ANGPTL6: variants seen among roughly 807,000 people sequenced by gnomAD.
ANGPTL6 encodes the protein angiopoietin-related protein 6.
Under a neutral mutation model 47.4 loss-of-function variants are expected in ANGPTL6, and 45 were observed. The ratio of observed to expected loss-of-function variants is 0.95; its 90% CI spans 0.75 to 1.22. The LOEUF (loss-of-function observed/expected upper bound fraction) is 1.22, where lower values mean the gene tolerates loss of function less well. Ranked by LOEUF, ANGPTL6 falls within the 50% of genes most tolerant of loss-of-function variation. The pLI, the probability that ANGPTL6 is intolerant of heterozygous loss-of-function variation, is 0.00. For missense variants in ANGPTL6, 698 were observed against 669.4 expected (o/e 1.04, Z -0.47); for synonymous variants, 290 against 295.9 (o/e 0.98, Z 0.20).
upstream of ANGPTL6, among the ~76,000 whole-genome samples, chr19:10,104,737 T>C (rs1304948941): frequency 1.3e-5 from 2 of 152,130 alleles, no homozygotes; most frequent in African/African-American, 4.8e-5. Flanking sequence ...CCAAATATGG[T>C]CACACACACA....
upstream of ANGPTL6, among the ~76,000 whole-genome samples, chr19:10,103,010 G>T (rs946238728): frequency 9.2e-5 from 14 of 151,854 alleles, no homozygotes; most frequent in African/African-American, 3.4e-4. Context: ...GACTTACCGT[G>T]TGTAGGGCTT....
At position 10,093,876 on chromosome 19, in the gene ANGPTL6, C is replaced by G. The variant is rs768186743; in HGVS notation, c.768G>C (p.Pro256=). The G allele has an allele frequency of 6.2e-7, 1 of 1,607,728 alleles. No homozygotes were observed. The change falls in exon 4 of 6, where the codon CCG becomes CCC. Residue 256 remains proline, a synonymous_variant. Transcript: ENST00000253109. The part of the protein sequence containing the change: ...HPAVPTKPVG[P]WQDCAEARQA... Reference sequence around the variant, plus strand: ...GGCGGGCCTCTGCACAATCCTGCCACGGGCCTGTGGGCACAGGGATAGGGG... The same window carrying G: ...GGCGGGCCTCTGCACAATCCTGCCAGGGGCCTGTGGGCACAGGGATAGGGG...
chr19:10,104,295 T>C (rs1362243373), upstream of ANGPTL6, among the ~76,000 whole-genome samples: 1 of 94,930 alleles, frequency 1.1e-5, no homozygotes, highest in South Asian at 3.9e-4. Context: ...TTTGGTGTTT[T>C]TTTTGTTTTG....
intron 3 of ANGPTL6, among the ~76,000 whole-genome samples, chr19:10,094,313 AT>A (rs1445815185): frequency 6.6e-6 from 1 of 151,864 alleles, no homozygotes; most frequent in Non-Finnish European, 1.5e-5. Context: ...CGCCCAGCTA[AT>A]TTTTTGTATT....
intron 1 of ANGPTL6, among the ~76,000 whole-genome samples, chr19:10,099,910 A>G (rs1599292032): frequency 7.7e-6 from 1 of 130,582 alleles, no homozygotes; most frequent in Admixed American, 8.8e-5. Context: ...TTTTAGACGG[A>G]GTCTCGCTCT....
Position 10,096,247 on chromosome 19 carries a change from C to G in ANGPTL6, c.317G>C (p.Arg106Pro). 6.8e-6 allele frequency: 8 copies of G among 1,182,406 alleles called. No individual in the cohort carries two copies. The highest frequency in any genetic ancestry group is 7.3e-6 in the Non-Finnish European group (7 of 957,368). The allele number at this position is 1,182,406 out of a possible 1,614,324, so 73.2% of individuals were successfully genotyped here. A position where few individuals can be genotyped will look rare whatever the true frequency, so the allele number is the denominator to read the frequency against. ...CAGCTGCGCGCGCAACTGGCCCAGG[C>G]GCGCGCTCAGGCCGCGGCTCTCCTT... is the stretch of plus-strand genomic sequence containing the variant. Reference protein sequence around the residue: ...LRKESRGLSARLGQLRAQLQH... With the variant: ...LRKESRGLSAPLGQLRAQLQH... The change falls in exon 2 of 6, where the codon CGC becomes CCC. Residue 106 changes from arginine to proline, a missense_variant. Coordinates refer to ENST00000253109, the MANE Select transcript of ANGPTL6 (RefSeq NM_031917.3).
At chr19:10,099,301 T>C (rs2088620052) in intron 1 of ANGPTL6, among the ~76,000 whole-genome samples, 1 of 152,008 alleles carries the variant, frequency 6.6e-6, no homozygotes, top group African/African-American at 2.4e-5. Context: ...AGTTGCGCTA[T>C]CTTGGTGACT....
rs1361131467 is a variant in ANGPTL6 at position 10,092,766 on chromosome 19, C to G, written c.1236G>C (p.Leu412=). Residue 412 remains leucine, a synonymous_variant, in exon 6 of 6, where the codon CTG becomes CTC. Transcript: ENST00000253109. ...DRDSYSGNCA[L]YQRGGWWYHA... ...GGTACCACCAGCCTCCCCGCTGGTACAGGGCACAGTTACCTGAGGGGAGAG... is the reference window on the plus strand; with the variant it reads ...GGTACCACCAGCCTCCCCGCTGGTAGAGGGCACAGTTACCTGAGGGGAGAG... The G allele has an allele frequency of 2.5e-6, 4 of 1,603,768 alleles. No individual in the cohort carries two copies. The highest frequency in any genetic ancestry group is 1.3e-5 in the African/African-American group (1 of 74,710).
Position 10,096,119 on chromosome 19 carries a change from C to G in ANGPTL6, c.445G>C (p.Glu149Gln), listed in dbSNP as rs1239556193. 2.1e-6 allele frequency: 3 copies of G among 1,459,992 alleles called. No homozygotes were observed. Among genetic ancestry groups the G allele is most frequent in the African/African-American group, 1.5e-5 (1 of 68,710 alleles). The allele number at this position is 1,459,992 out of a possible 1,614,324, so 90.4% of individuals were successfully genotyped here. ...AACCGGGCGGCTGCGCGCTGAGCCT[C>G]GGCGGACGCGTTGAGCACGCGCTCC... ...LGERVLNASA[E>Q]AQRAAARFHQ... The change falls in exon 2 of 6, where the codon GAG becomes CAG. Residue 149 changes from glutamate to glutamine, a missense_variant. By Grantham distance (29) the Glu-to-Gln change is conservative (BLOSUM62 2). Coordinates refer to ENST00000253109, the MANE Select transcript of ANGPTL6 (RefSeq NM_031917.3).
upstream of ANGPTL6, among the ~76,000 whole-genome samples, chr19:10,103,621 A>T (rs1209854602): frequency 3.3e-5 from 2 of 60,064 alleles, no homozygotes; most frequent in Non-Finnish European, 9.3e-5. Context: ...ATAAATAAAT[A>T]AATAATAAAT....
Position 10,092,702 on chromosome 19 carries a change from G to C in ANGPTL6, c.1300C>G (p.His434Asp). The change falls in exon 6 of 6, where the codon CAC becomes GAC. Residue 434 changes from histidine to aspartate, a missense_variant. By Grantham distance (81) the His-to-Asp change is moderately conservative (BLOSUM62 -1). Transcript: ENST00000253109. ...TAGCGGCTTCGGTAGTGGCCGCCGT[G>C]GTGCCACACACCGTTGAGGTTGGAG... is the stretch of plus-strand genomic sequence containing the variant. Reference protein sequence around the residue: ...AHSNLNGVWHHGGHYRSRYQD... With the variant: ...AHSNLNGVWHDGGHYRSRYQD... 1 of 1,613,970 alleles carries C rather than the reference G, an allele frequency of 6.2e-7. No individual in the cohort carries two copies. The highest frequency in any genetic ancestry group is 8.5e-7 in the Non-Finnish European group (1 of 1,179,908).
Position 10,092,709 on chromosome 19 carries a change from C to T in ANGPTL6, c.1293G>A (p.Val431=). Residue 431 remains valine (V), a synonymous_variant, in exon 6 of 6, where the codon GTG becomes GTA. Transcript: ENST00000253109. ...HACAHSNLNG[V]WHHGGHYRSR... ...TTCGGTAGTGGCCGCCGTGGTGCCA[C>T]ACACCGTTGAGGTTGGAGTGGGCAC... 2 of 1,614,046 alleles carry T rather than the reference C, an allele frequency of 1.2e-6. No individual in the cohort carries two copies. Among genetic ancestry groups the T allele is most frequent in the Non-Finnish European group, 1.7e-6 (2 of 1,179,920 alleles).
At chr19:10,104,116 ATG>A (rs974343142), upstream of ANGPTL6, among the ~76,000 whole-genome samples, 120 of 151,918 alleles carry the variant, frequency 7.9e-4, no homozygotes, top group African/African-American at 2.7e-3. Context: ...AGAAATAAAA[ATG>A]TAAGATTTTG....
At chr19:10,101,804 CA>C (rs1019332736) in intron 1 of ANGPTL6, among the ~76,000 whole-genome samples, 8,294 of 53,992 alleles carry the variant, frequency 0.15, 214 homozygotes, top group Non-Finnish European at 0.17. Flanking sequence ...GAGCAAGGCT[CA>C]AAAAAAAAAA....
At chr19:10,100,377 G>A (rs1004589669) in intron 1 of ANGPTL6, among the ~76,000 whole-genome samples, 3 of 152,164 alleles carry the variant, frequency 2.0e-5, no homozygotes, top group Admixed American at 1.3e-4. Flanking sequence ...CTGAGTGGTT[G>A]GAACTACAGG....
chr19:10,104,301 T>G (rs1027160661), upstream of ANGPTL6, among the ~76,000 whole-genome samples: 1 of 87,404 alleles, frequency 1.1e-5, no homozygotes, highest in Non-Finnish European at 2.2e-5. Flanking sequence ...GTTTTTTTTG[T>G]TTTGTTTGTG....
intron 1 of ANGPTL6, among the ~76,000 whole-genome samples, chr19:10,100,645 G>T (rs1429257907): frequency 6.6e-6 from 1 of 152,210 alleles, no homozygotes; most frequent in African/African-American, 2.4e-5. Flanking sequence ...AGTGCCTATT[G>T]TGTGCCAGGG....
chr19:10,092,876 T>C, intron 5 of ANGPTL6, 97 bp from the exon 6 acceptor site: 1 of 1,029,112 alleles, frequency 9.7e-7, no homozygotes, highest in Non-Finnish European at 1.4e-6. Flanking sequence ...CCCTGGCCCC[T>C]CCCATTCTTA....
chr19:10,092,934 C>T, intron 5 of ANGPTL6, 155 bp from the exon 6 acceptor site: 1 of 583,504 alleles, frequency 1.7e-6, no homozygotes, highest in Non-Finnish European at 2.8e-6. Context: ...AAAATAGGAG[C>T]CCTGGCCCCC....
Sources: allele counts gnomAD v4.1 joint callset (sites outside exome capture counted in the v4.1 genomes callset), GRCh38; gene constraint gnomAD v4.1.1; transcripts MANE v1.5; gene names NCBI Gene and HGNC (gene_info 2026-07-23, HGNC 2026-07-21).